Variants in PTPRD observed in about 807,000 individuals in gnomAD.
PTPRD encodes the protein receptor-type tyrosine-protein phosphatase delta.
A neutral mutation model predicts 214.5 loss-of-function variants in PTPRD; 34 were observed. The observed-to-expected ratio is 0.16, with a 90% CI of 0.12 to 0.21. The LOEUF (loss-of-function observed/expected upper bound fraction) is 0.21. Ranked by LOEUF, PTPRD falls within the 10% of genes least tolerant of loss-of-function variation. PTPRD has a pLI of 1.00. For missense variants in PTPRD, 2,545 were observed against 2,398.7 expected, an observed-to-expected ratio of 1.06 and a Z score of -1.27; for synonymous variants, 1,128 against 845.7, an observed-to-expected ratio of 1.33 and a Z score of -5.79.
chr9:9,349,192 C>T (rs1411801885), intron 9 of PTPRD, among the ~76,000 whole-genome samples: 2 of 152,074 alleles, frequency 1.3e-5, no homozygotes, highest in African/African-American at 4.8e-5. Flanking sequence ...ACATATTTCA[C>T]TTAATAAATC....
intron 39 of PTPRD, among the ~76,000 whole-genome samples, chr9:8,370,373 A>T (rs1007893448): frequency 5.9e-5 from 9 of 152,054 alleles, no homozygotes; most frequent in Admixed American, 2.0e-4. Flanking sequence ...ATGATGGGTA[A>T]ACAGGCCATG....
intron 3 of PTPRD, among the ~76,000 whole-genome samples, chr9:10,106,310 G>A (rs902379567): frequency 2.0e-5 from 3 of 151,664 alleles, no homozygotes; most frequent in Admixed American, 6.6e-5. Flanking sequence ...TTTTTTGATC[G>A]ATTCTTTACA....
intron 2 of PTPRD, among the ~76,000 whole-genome samples, chr9:10,505,044 G>A (rs1216494259): frequency 6.6e-6 from 1 of 152,194 alleles, no homozygotes; most frequent in African/African-American, 2.4e-5. Flanking sequence ...GTCATAGCCA[G>A]AGATTCTAGG....
chr9:8,609,636 T>G (rs747906053), intron 14 of PTPRD, among the ~76,000 whole-genome samples: 4 of 151,952 alleles, frequency 2.6e-5, no homozygotes, highest in South Asian at 2.1e-4. Flanking sequence ...ACTTAAAGAG[T>G]AAAATTAAAT....
At chr9:10,336,237 T>C (rs1262833091) in intron 3 of PTPRD, among the ~76,000 whole-genome samples, 1 of 151,666 alleles carries the variant, frequency 6.6e-6, no homozygotes, top group Non-Finnish European at 1.5e-5. Flanking sequence ...TAAAAGTGAA[T>C]ACTAAAATAA....
chr9:8,420,741 G>T (rs1467711874), intron 35 of PTPRD, among the ~76,000 whole-genome samples: 1 of 151,812 alleles, frequency 6.6e-6, no homozygotes, highest in Admixed American at 6.6e-5. Context: ...TAGCTTTGGG[G>T]AAAGACAGCT....
chr9:10,571,798 T>C (rs181973148), intron 2 of PTPRD, among the ~76,000 whole-genome samples: 2 of 152,216 alleles, frequency 1.3e-5, no homozygotes, highest in East Asian at 1.9e-4. Context: ...ACAGGCGACC[T>C]AGATCTCTCA....
chr9:9,759,982 C>T (rs1429961569), intron 6 of PTPRD, among the ~76,000 whole-genome samples: 2 of 152,102 alleles, frequency 1.3e-5, no homozygotes, highest in Non-Finnish European at 2.9e-5. Flanking sequence ...TGGTGTTGTA[C>T]ATTTTGCTCA....
At chr9:8,585,992 A>G (rs1312553041) in intron 14 of PTPRD, among the ~76,000 whole-genome samples, 1 of 148,086 alleles carries the variant, frequency 6.8e-6, no homozygotes, top group East Asian at 1.9e-4. Flanking sequence ...ATTTAACAAT[A>G]GGCATTACTT....
At chr9:9,101,851 T>C (rs2099791871) in intron 10 of PTPRD, among the ~76,000 whole-genome samples, 2 of 152,334 alleles carry the variant, frequency 1.3e-5, no homozygotes, top group South Asian at 2.1e-4. Context: ...ATTTCAATTA[T>C]TCCAGAATTC....
intron 11 of PTPRD, among the ~76,000 whole-genome samples, chr9:8,749,651 T>A (rs985081356): frequency 1.3e-5 from 2 of 152,366 alleles, no homozygotes; most frequent in Admixed American, 1.3e-4. Context: ...AATGTCCTCA[T>A]GTTATCATTG....
intron 2 of PTPRD, among the ~76,000 whole-genome samples, chr9:10,383,576 T>C (rs893685129): frequency 6.6e-6 from 1 of 151,662 alleles, no homozygotes; most frequent in African/African-American, 2.4e-5. Flanking sequence ...TCACTTTTCT[T>C]TTTTTAATTT....
intron 11 of PTPRD, among the ~76,000 whole-genome samples, chr9:8,983,141 G>T (rs1007782532): frequency 4.0e-5 from 6 of 151,616 alleles, no homozygotes; most frequent in Non-Finnish European, 8.8e-5. Flanking sequence ...CATTTTAGTG[G>T]CTTTTCATCA....
chr9:9,981,956 G>T (rs1254480488), intron 4 of PTPRD, among the ~76,000 whole-genome samples: 1 of 151,932 alleles, frequency 6.6e-6, no homozygotes, highest in Non-Finnish European at 1.5e-5. Flanking sequence ...ATTACCACAG[G>T]GCATGACACA....
intron 2 of PTPRD, among the ~76,000 whole-genome samples, chr9:10,595,271 C>T (rs2133100707): frequency 6.6e-6 from 1 of 151,608 alleles, no homozygotes; most frequent in African/African-American, 2.4e-5. Flanking sequence ...TAAAGAAAAT[C>T]AATGGTGAAA....
intron 17 of PTPRD, among the ~76,000 whole-genome samples, chr9:8,526,083 G>A (rs1197393270): frequency 6.6e-6 from 1 of 151,986 alleles, no homozygotes; most frequent in Non-Finnish European, 1.5e-5. Context: ...AGAGAAAAAA[G>A]AATTGAAGAA....
chr9:8,892,890 G>A (rs531401827), intron 11 of PTPRD, among the ~76,000 whole-genome samples: 43 of 152,026 alleles, frequency 2.8e-4, no homozygotes, highest in African/African-American at 9.4e-4. Flanking sequence ...AAGTGTGAGA[G>A]TATAGGCATG....
chr9:10,503,202 A>AAAAAAAAAAAAAC (rs1555437225), intron 2 of PTPRD, among the ~76,000 whole-genome samples: 3 of 133,052 alleles, frequency 2.3e-5, no homozygotes, highest in Non-Finnish European at 4.6e-5. Flanking sequence ...ACAAAAAAAA[A>AAAAAAAAAAAAAC]AAAAACAAAA....
At chr9:8,680,473 A>G (rs1404486001) in intron 12 of PTPRD, among the ~76,000 whole-genome samples, 2 of 152,168 alleles carry the variant, frequency 1.3e-5, no homozygotes, top group Non-Finnish European at 2.9e-5. Context: ...CCACCTTTCC[A>G]TATATGTGCA....
Sources: gnomAD v4.1 joint callset for allele counts (sites outside exome capture counted in the v4.1 genomes callset) on GRCh38, gnomAD v4.1.1 for gene constraint, MANE v1.5 for transcripts, NCBI Gene and HGNC (gene_info 2026-07-23, HGNC 2026-07-21) for gene names.